PCNX1: variants seen among roughly 807,000 people sequenced by gnomAD.
PCNX1 encodes pecanex-like protein 1.
In PCNX1, 78 loss-of-function variants were observed where a neutral mutation model predicts 242.2. That is an observed-to-expected ratio of 0.32 (90% CI 0.27 to 0.39). The LOEUF (loss-of-function observed/expected upper bound fraction) is 0.39. Ranked by LOEUF, PCNX1 falls within the 10% of genes least tolerant of loss-of-function variation. The probability of loss-of-function intolerance (pLI) is 1.00; values close to 1 mark genes in which losing one functional copy is unlikely to be tolerated. For missense variants in PCNX1, 2,581 were observed against 2,856.5 expected, an observed-to-expected ratio of 0.90 and a Z score of 2.20; for synonymous variants, 1,024 against 1,032.9, an observed-to-expected ratio of 0.99 and a Z score of 0.17.
intron 7 of PCNX1, among the ~76,000 whole-genome samples, chr14:70,991,138 A>G (rs2059151700): frequency 1.3e-5 from 2 of 151,540 alleles, no homozygotes; most frequent in East Asian, 1.9e-4. Flanking sequence ...AATCACATAC[A>G]ATTTTCCCAT....
chr14:71,046,843 C>CT (rs1317778691), intron 20 of PCNX1, 121 bp from the exon 21 acceptor site: 16 of 685,912 alleles, frequency 2.3e-5, no homozygotes, highest in Non-Finnish European at 3.7e-5. Flanking sequence ...AAAGTACTGG[C>CT]TTTTTAAAAA....
chr14:70,941,883 C>T (rs146279794), intron 1 of PCNX1, among the ~76,000 whole-genome samples: 8 of 152,328 alleles, frequency 5.3e-5, no homozygotes, highest in African/African-American at 1.9e-4. Flanking sequence ...TCTGAGACTG[C>T]TGTGCTAGGA....
chr14:70,915,803 A>C (rs1480180395), intron 1 of PCNX1, among the ~76,000 whole-genome samples: 1 of 152,214 alleles, frequency 6.6e-6, no homozygotes, highest in African/African-American at 2.4e-5. Context: ...CTTTATATTG[A>C]GAGAGAATAT....
In PCNX1 at chr14:71,073,678, A is replaced by G. The variant is rs1256520611; in HGVS notation, c.4986A>G (p.Leu1662=). ...SFNAAFSQRW[L]AWEVIVTKYI... The stretch of plus-strand genomic sequence containing the variant: ...ATGCTGCATTTAGCCAGCGATGGCT[A>G]GCTTGGGAAGTGATAGTCACAAAGT... The change falls in exon 27 of 36, where the codon CTA becomes CTG. Residue 1662 remains leucine (L), a synonymous_variant. Coordinates refer to ENST00000304743, the MANE Select transcript of PCNX1 (RefSeq NM_014982.3). 1.9e-6 allele frequency: 3 copies of G among 1,613,986 alleles called. No individual in the cohort carries two copies. Among genetic ancestry groups the G allele is most frequent in the African/African-American group, 2.7e-5 (2 of 74,906 alleles).
At chr14:71,099,690 A>G (rs560571207) in intron 30 of PCNX1, among the ~76,000 whole-genome samples, 5 of 152,200 alleles carry the variant, frequency 3.3e-5, no homozygotes, top group Non-Finnish European at 7.3e-5. Flanking sequence ...GAAGTCCCGT[A>G]CTATTACTAT....
At chr14:70,967,192 C>T (rs2139987128) in intron 3 of PCNX1, among the ~76,000 whole-genome samples, 1 of 152,272 alleles carries the variant, frequency 6.6e-6, no homozygotes, top group Middle Eastern at 3.4e-3. Context: ...AGTTGCCATC[C>T]AAATCAAGAA....
rs368959936 is a variant in PCNX1 at position 71,023,266 on chromosome 14, G to A, written c.3183+34G>A. Reference sequence around the variant, plus strand: ...CTCTTAATATGGCTGTACATTATAGGTCCTTAACATTTATCATAATATTTG... The same window carrying A: ...CTCTTAATATGGCTGTACATTATAGATCCTTAACATTTATCATAATATTTG... On this transcript the variant is annotated intron_variant, in intron 13 of 35. Transcript: ENST00000304743. 8.1e-6 allele frequency: 12 copies of A among 1,474,060 alleles called. No homozygotes were observed. The African/African-American group carries it at 1.2e-4, about 15-fold the overall frequency. 91.3% of individuals were successfully genotyped at this position (1,474,060 alleles called of 1,614,324 possible).
chr14:70,962,789 A>G (rs915707310), intron 3 of PCNX1, among the ~76,000 whole-genome samples: 1 of 152,244 alleles, frequency 6.6e-6, no homozygotes, highest in Non-Finnish European at 1.5e-5. Flanking sequence ...CTACTATGTA[A>G]CTTTTAAAAT....
At chr14:71,042,367 GT>G (rs1206532260) in intron 19 of PCNX1, among the ~76,000 whole-genome samples, 10 of 151,974 alleles carry the variant, frequency 6.6e-5, no homozygotes, top group Non-Finnish European at 2.9e-5. Context: ...GTGCATGTAT[GT>G]TTATAATTGT....
chr14:71,027,905 G>A (rs2060280521), intron 15 of PCNX1, among the ~76,000 whole-genome samples: 3 of 151,868 alleles, frequency 2.0e-5, no homozygotes, highest in Admixed American at 2.0e-4. Context: ...AGGGCTTAGT[G>A]TAGGTAATTT....
intron 7 of PCNX1, among the ~76,000 whole-genome samples, chr14:70,995,493 C>T (rs1288240962): frequency 2.0e-5 from 3 of 152,166 alleles, no homozygotes; most frequent in South Asian, 2.1e-4. Context: ...GGAAAAAAGT[C>T]GCAGATTGAC....
chr14:71,075,305 C>T (rs1388166832), intron 27 of PCNX1, among the ~76,000 whole-genome samples: 1 of 152,008 alleles, frequency 6.6e-6, no homozygotes, highest in African/African-American at 2.4e-5. Flanking sequence ...ATTTTCATAT[C>T]TTGTGTTGTT....
At chr14:70,969,346 G>A in intron 5 of PCNX1, 1 of 426,416 alleles carries the variant, frequency 2.3e-6, no homozygotes, top group African/African-American at 2.0e-5. Flanking sequence ...AATTCTATGA[G>A]CATATGCCCC....
chr14:70,976,538 A>G (rs2058696408), intron 5 of PCNX1, among the ~76,000 whole-genome samples: 1 of 151,802 alleles, frequency 6.6e-6, no homozygotes, highest in African/African-American at 2.4e-5. Context: ...ACGCCCGGCT[A>G]ATTTTTTTGT....
rs562970053 is a variant in PCNX1 at position 71,051,148 on chromosome 14, A to T, written c.4447+388A>T. 3.7e-5 allele frequency among the ~76,000 whole-genome samples: 5 copies of T among 133,974 alleles called. No homozygotes were observed. The East Asian group carries it at 1.0e-3, about 27-fold the overall frequency. 87.9% of individuals were successfully genotyped at this position (133,974 alleles called of 152,430 possible). A position where few individuals can be genotyped will look rare whatever the true frequency, so the allele number is the denominator to read the frequency against. ...GCGCCATTGCACTCCAGCCTGGGCA[A>T]CGAGAGCAAAACTCTGTCTCAAAAA... On this transcript the variant is annotated intron_variant, in intron 23 of 35. Coordinates refer to ENST00000304743, the MANE Select transcript of PCNX1 (RefSeq NM_014982.3).
intron 24 of PCNX1, 143 bp downstream of exon 24, chr14:71,052,155 A>T (rs999002341): frequency 3.2e-5 from 20 of 617,206 alleles, no homozygotes; most frequent in African/African-American, 5.7e-5. Context: ...AATAGTCTTA[A>T]AATTTGAAAA....
intron 28 of PCNX1, 22 bp from the exon 29 acceptor site, chr14:71,088,308 A>C: frequency 7.3e-7 from 1 of 1,372,652 alleles, no homozygotes; most frequent in Non-Finnish European, 1.0e-6. Flanking sequence ...TCTGATAACT[A>C]ATGTTTTTTG....
intron 1 of PCNX1, among the ~76,000 whole-genome samples, chr14:70,917,581 T>G (rs2140058643): frequency 6.6e-6 from 1 of 152,312 alleles, no homozygotes; most frequent in South Asian, 2.1e-4. Context: ...GGTTAAAATA[T>G]TTAGTAAACC....
chr14:71,001,455 T>C (rs781654767), intron 8 of PCNX1, among the ~76,000 whole-genome samples: 5 of 152,210 alleles, frequency 3.3e-5, no homozygotes, highest in Admixed American at 6.5e-5. Context: ...TCTACTCTTA[T>C]TTTCATCCCC....
Sources: allele counts gnomAD v4.1 joint callset (sites outside exome capture counted in the v4.1 genomes callset), GRCh38; gene constraint gnomAD v4.1.1; transcripts MANE v1.5; gene names NCBI Gene and HGNC (gene_info 2026-07-23, HGNC 2026-07-21).